Variants in TERB2 observed in about 807,000 individuals in gnomAD.
TERB2 encodes telomere repeats-binding bouquet formation protein 2.
A neutral mutation model predicts 29.8 loss-of-function variants in TERB2; 26 were observed. The observed-to-expected ratio is 0.87, with a 90% CI of 0.64 to 1.21. TERB2 has a LOEUF of 1.21. TERB2 is among the 50% of genes most tolerant of loss of function. The probability of loss-of-function intolerance (pLI) is 0.00; values close to 1 mark genes in which losing one functional copy is unlikely to be tolerated. For synonymous variants in TERB2, 80 were observed against 90.8 expected (o/e 0.88, Z 0.68); for missense variants, 240 against 268.6 (o/e 0.89, Z 0.74).
intron 5 of TERB2, among the ~76,000 whole-genome samples, chr15:44,966,961 A>G (rs911933534): frequency 3.3e-5 from 5 of 152,296 alleles, no homozygotes; most frequent in African/African-American, 1.2e-4. Flanking sequence ...CTAGCTGGGC[A>G]TAGTGGCACA....
chr15:44,956,881 C>T lies in TERB2; in HGVS notation c.65-15C>T. The stretch of plus-strand genomic sequence containing the variant: ...GGGTGCTTGATAGGTTCACCCTGTG[C>T]TCTTACCTCCACAGTGGCTGAAGGG... On this transcript the variant is annotated splice_polypyrimidine_tract_variant and intron_variant, in intron 1 of 6. Transcript: ENST00000340827. The T allele has an allele frequency of 6.2e-7, 1 of 1,613,876 alleles. No individual in the cohort carries two copies. Among genetic ancestry groups the T allele is most frequent in the South Asian group, 1.1e-5 (1 of 91,070 alleles).
intron 5 of TERB2, among the ~76,000 whole-genome samples, chr15:44,973,087 G>A (rs1173885923): frequency 6.6e-6 from 1 of 151,934 alleles, no homozygotes; most frequent in African/African-American, 2.4e-5. Flanking sequence ...CACCATGTTG[G>A]CCAGGCTGGT....
At chr15:44,974,022 A>G in intron 6 of TERB2, 67 bp downstream of exon 6, 1 of 1,340,396 alleles carries the variant, frequency 7.5e-7, no homozygotes, top group Non-Finnish European at 9.8e-7. Context: ...GTGTTGAATA[A>G]AGCTGTTGTA....
rs920758623 is a variant in TERB2 at position 44,978,848 on chromosome 15, C to A, written c.*220C>A. 4.1e-5 allele frequency: 18 copies of A among 437,580 alleles called. No individual in the cohort carries two copies. The highest frequency in any genetic ancestry group is 7.4e-4 in the Middle Eastern group (1 of 1,348). 27.1% of individuals were successfully genotyped at this position (437,580 alleles called of 1,614,324 possible). A position where few individuals can be genotyped will look rare whatever the true frequency, so the allele number is the denominator to read the frequency against. Reference sequence around the variant, plus strand: ...AACATGTTCAAATATTCTCAATGCACAGTTGTTAATGAGTAATTGCCGTTA... The same window carrying A: ...AACATGTTCAAATATTCTCAATGCAAAGTTGTTAATGAGTAATTGCCGTTA... On this transcript the variant is annotated 3_prime_UTR_variant, in exon 7 of 7. Coordinates refer to ENST00000340827, the MANE Select transcript of TERB2 (RefSeq NM_152448.3).
intron 3 of TERB2, among the ~76,000 whole-genome samples, chr15:44,961,201 T>G (rs1362833163): frequency 4.1e-5 from 6 of 144,966 alleles, no homozygotes; most frequent in Non-Finnish European, 9.0e-5. Flanking sequence ...GATATATATA[T>G]ATATATATAT....
At chr15:44,968,704 TCCTC>T (rs1233786309) in intron 5 of TERB2, among the ~76,000 whole-genome samples, 4 of 145,618 alleles carry the variant, frequency 2.7e-5, no homozygotes, top group Admixed American at 7.0e-5. Context: ...AAGTGAGAGA[TCCTC>T]CCTCCTCAGC....
chr15:44,971,370 AGATTCTAAGGATATTTTAATT>A (rs572764721), intron 5 of TERB2, among the ~76,000 whole-genome samples: 3 of 152,298 alleles, frequency 2.0e-5, no homozygotes, highest in Admixed American at 6.5e-5. Flanking sequence ...GAATTCCTTA[AGATTCTAAGGATATTTTAATT>A]GATTCTAAGG....
intron 6 of TERB2, among the ~76,000 whole-genome samples, chr15:44,977,804 T>C (rs551086857): frequency 6.6e-6 from 1 of 152,346 alleles, no homozygotes; most frequent in East Asian, 1.9e-4. Context: ...ATTTCAATTT[T>C]AGTAAAAGCC....
chr15:44,968,063 T>C (rs1031720458), intron 5 of TERB2, among the ~76,000 whole-genome samples: 1 of 125,578 alleles, frequency 8.0e-6, no homozygotes, highest in African/African-American at 3.2e-5. Flanking sequence ...AGATAAAATA[T>C]ACCCTCAATT....
intron 4 of TERB2, among the ~76,000 whole-genome samples, chr15:44,963,728 G>A (rs1217638719): frequency 6.6e-6 from 1 of 150,600 alleles, no homozygotes; most frequent in East Asian, 1.9e-4. Flanking sequence ...AAAAGAGAGA[G>A]GAGGCACTCA....
At chr15:44,975,780 G>C (rs1276356054) in intron 6 of TERB2, among the ~76,000 whole-genome samples, 1 of 151,720 alleles carries the variant, frequency 6.6e-6, no homozygotes, top group Admixed American at 6.6e-5. Context: ...CATCAAAAGA[G>C]TTTTTGTTTT....
intron 3 of TERB2, among the ~76,000 whole-genome samples, chr15:44,959,166 G>C (rs1332223594): frequency 6.6e-6 from 1 of 151,848 alleles, no homozygotes; most frequent in Non-Finnish European, 1.5e-5. Context: ...TTAAAGATTG[G>C]TTATGATAAT....
intron 6 of TERB2, among the ~76,000 whole-genome samples, chr15:44,974,711 T>A (rs1476174197): frequency 1.3e-5 from 2 of 152,208 alleles, no homozygotes; most frequent in African/African-American, 4.8e-5. Context: ...AATAGAGATT[T>A]TTTTAAAAAA....
intron 6 of TERB2, among the ~76,000 whole-genome samples, chr15:44,975,611 T>A (rs2141245459): frequency 6.6e-6 from 1 of 152,278 alleles, no homozygotes; most frequent in South Asian, 2.1e-4. Context: ...TTAGGCCAGA[T>A]AATTCTTTGT....
At chr15:44,960,444 C>G (rs1465132737) in intron 3 of TERB2, among the ~76,000 whole-genome samples, 1 of 152,152 alleles carries the variant, frequency 6.6e-6, no homozygotes, top group East Asian at 1.9e-4. Flanking sequence ...TTTGAGGCTG[C>G]AGTGCACCAT....
chr15:44,968,879 T>C (rs754687303), intron 5 of TERB2, among the ~76,000 whole-genome samples: 5 of 152,176 alleles, frequency 3.3e-5, no homozygotes, highest in Non-Finnish European at 7.4e-5. Context: ...AATTATGGTA[T>C]AAAGAGGAGT....
intron 4 of TERB2, among the ~76,000 whole-genome samples, chr15:44,964,180 C>T (rs1464374277): frequency 6.6e-6 from 1 of 152,004 alleles, no homozygotes; most frequent in Non-Finnish European, 1.5e-5. Flanking sequence ...GAAAATCTTT[C>T]ATTTTTATTT....
chr15:44,964,434 A>G (rs1891853857), intron 4 of TERB2, among the ~76,000 whole-genome samples: 1 of 152,182 alleles, frequency 6.6e-6, no homozygotes, highest in African/African-American at 2.4e-5. Flanking sequence ...GAATGTGAGC[A>G]GTAATGCAAT....
At chr15:44,966,296 G>A in intron 5 of TERB2, 53 bp downstream of exon 5, 3 of 1,128,676 alleles carry the variant, frequency 2.7e-6, no homozygotes, top group South Asian at 2.1e-5. Context: ...AAATCTGTGA[G>A]CACTGATTGT....
Sources: gnomAD v4.1 joint callset for allele counts (sites outside exome capture counted in the v4.1 genomes callset) on GRCh38, gnomAD v4.1.1 for gene constraint, MANE v1.5 for transcripts, NCBI Gene and HGNC (gene_info 2026-07-23, HGNC 2026-07-21) for gene names.